The following ICE1 variants were observed in gnomAD, a reference collection of about 807,000 sequenced individuals.
ICE1 encodes the protein little elongation complex subunit 1.
ICE1 carries 64 observed loss-of-function variants against 192.7 expected under a neutral mutation model. The observed-to-expected ratio is 0.33, with a 90% CI of 0.27 to 0.41. The LOEUF (loss-of-function observed/expected upper bound fraction) is 0.41. ICE1 is among the 10% of genes least tolerant of loss of function. The probability of loss-of-function intolerance (pLI) is 1.00; values close to 1 mark genes in which losing one functional copy is unlikely to be tolerated. For missense variants in ICE1, 2,708 were observed against 2,696.0 expected (o/e 1.00, Z -0.10); for synonymous variants, 1,010 against 984.5 (o/e 1.03, Z -0.49).
At chr5:5,426,271 C>A (rs1737514472) in intron 1 of ICE1, among the ~76,000 whole-genome samples, 1 of 152,054 alleles carries the variant, frequency 6.6e-6, no homozygotes, top group Admixed American at 6.6e-5. Context: ...ATGGTGAAAC[C>A]CCGTCTCTAC....
At chr5:5,428,025 A>G (rs973062168) in intron 1 of ICE1, among the ~76,000 whole-genome samples, 2 of 152,112 alleles carry the variant, frequency 1.3e-5, no homozygotes, top group African/African-American at 4.8e-5. Context: ...CTAAGAGGGA[A>G]AAGATGGAGG....
At chr5:5,459,517 G>C (rs902310878) in intron 12 of ICE1, among the ~76,000 whole-genome samples, 1 of 152,072 alleles carries the variant, frequency 6.6e-6, no homozygotes, top group African/African-American at 2.4e-5. Flanking sequence ...GAGTATGGAA[G>C]AGGAGAAGAT....
chr5:5,444,315 A>G lies in ICE1; in HGVS notation c.413A>G (p.Lys138Arg), dbSNP rs772241143. ...AAGAAGAAACTAGAAGCTAAGGTGA[A>G]GAAGCTGCAAGGTAAGTGGCACTAT... ...AQKKKLEAKV[K>R]KLQEAAVKQT... Residue 138 changes from lysine to arginine, a missense_variant, in exon 7 of 19, where the codon AAG (lysine) becomes AGG (arginine). By Grantham distance (26) the Lys-to-Arg change is conservative. Around this residue, in one of 2 missense-constraint regions of ICE1, gnomAD observed 2,366 missense variants for 2,276.6 expected, o/e 1.04. Transcript: ENST00000296564. 1 of 1,567,208 alleles carries G rather than the reference A, an allele frequency of 6.4e-7. No individual in the cohort carries two copies. The highest frequency in any genetic ancestry group is 8.7e-7 in the Non-Finnish European group (1 of 1,153,930).
chr5:5,486,664 A>C (rs778326478), intron 17 of ICE1, 57 bp from the exon 18 acceptor site: 1 of 1,205,972 alleles, frequency 8.3e-7, no homozygotes, highest in Non-Finnish European at 1.2e-6. Flanking sequence ...TTAAATTCTT[A>C]GGAAAAGTTA....
rs1455429268 is a variant in ICE1, at chr5:5,457,407, C to G, written c.767C>G (p.Pro256Arg). 6.2e-7 allele frequency: 1 copy of G among 1,613,630 alleles called. No individual in the cohort carries two copies. Among genetic ancestry groups the G allele is most frequent in the African/African-American group, 1.3e-5 (1 of 74,888 alleles). Residue 256 changes from proline to arginine, a missense_variant, in exon 12 of 19, where the codon CCT becomes CGT. Around this residue, in one of 2 missense-constraint regions of ICE1, gnomAD observed 2,366 missense variants for 2,276.6 expected, o/e 1.04. Coordinates refer to ENST00000296564, the MANE Select transcript of ICE1 (RefSeq NM_015325.3). ...DGTLPPTQGS[P>R]LRTSNVQTCL... ...ACGCTACCTCCAACACAGGGCAGCC[C>G]TCTCAGGACCTCAAATGTGCAGACA... is the stretch of plus-strand genomic sequence containing the variant.
In ICE1 at chr5:5,464,050, G is replaced by A. The variant is rs147523136; in HGVS notation, c.4716G>A (p.Ala1572=). The A allele has an allele frequency of 3.0e-4, 485 of 1,613,618 alleles. 5 individuals carry two copies. The East Asian group carries it at 6.6e-3, about 22-fold the overall frequency. Residue 1572 remains alanine (A), a synonymous_variant, in exon 13 of 19, where the codon GCG becomes GCA. Coordinates refer to ENST00000296564, the MANE Select transcript of ICE1 (RefSeq NM_015325.3). The surrounding 1 kb of genome is among the most constrained non-coding windows in gnomAD (Gnocchi z 4.0). The part of the protein sequence containing the change: ...DQSNKPVKTS[A]SSRVETHQSE... ...CAAACAAACCAGTAAAAACTTCAGC[G>A]TCGAGCAGAGTTGAAACTCATCAGA...
intron 8 of ICE1, 62 bp downstream of exon 8, chr5:5,447,571 C>T (rs1738269011): frequency 2.1e-6 from 3 of 1,409,292 alleles, no homozygotes; most frequent in Non-Finnish European, 2.0e-6. Context: ...TCTGTAGTGT[C>T]TCTGTGTTGT....
chr5:5,477,736 A>G (rs192042283), intron 17 of ICE1, among the ~76,000 whole-genome samples: 1 of 152,356 alleles, frequency 6.6e-6, no homozygotes, highest in East Asian at 1.9e-4. Flanking sequence ...AATCCTCAAT[A>G]AAATACCGGC....
rs555619461 is a variant in ICE1, at chr5:5,423,146, G to C, written c.84+147G>C. ...GTAGCTCTTGCTCGCTCGTCTCTCT[G>C]CTCTCTTTTTCCTACATGAGTTTTG... On this transcript the variant is annotated intron_variant, in intron 1 of 18. Transcript: ENST00000296564. 8 of 432,938 alleles carry C rather than the reference G, an allele frequency of 1.8e-5. No individual in the cohort carries two copies. In the South Asian group the frequency reaches 7.0e-4, roughly 38 times the overall value. 26.8% of individuals were successfully genotyped at this position (432,938 alleles called of 1,614,324 possible).
At position 5,437,131 on chromosome 5, in the gene ICE1, T is replaced by C. The variant is rs1451483852; in HGVS notation, c.178+17T>C. 6.5e-7 allele frequency: 1 copy of C among 1,528,006 alleles called. No individual in the cohort carries two copies. The highest frequency in any genetic ancestry group is 1.2e-5 in the South Asian group (1 of 84,250). 94.7% of individuals were successfully genotyped at this position (1,528,006 alleles called of 1,614,324 possible). A position where few individuals can be genotyped will look rare whatever the true frequency, so the allele number is the denominator to read the frequency against. ...AATGTGATGATATCCTTTTACTGGC[T>C]TTTTCTGTTGAGTTTTGGAACTAAC... On this transcript the variant is annotated intron_variant, in intron 3 of 18. Coordinates refer to ENST00000296564, the MANE Select transcript of ICE1 (RefSeq NM_015325.3).
chr5:5,441,258 C>T lies in ICE1; in HGVS notation c.309+35C>T. 7.5e-6 allele frequency: 10 copies of T among 1,324,566 alleles called. No homozygotes were observed. The Middle Eastern group carries it at 1.3e-3, about 169-fold the overall frequency. The allele number at this position is 1,324,566 out of a possible 1,614,324, so 82.1% of individuals were successfully genotyped here. On this transcript the variant is annotated intron_variant, in intron 5 of 18. Coordinates refer to ENST00000296564, the MANE Select transcript of ICE1 (RefSeq NM_015325.3). ...ATAATTTTCTGTAAAGATTTACGGT[C>T]AATAAATTAGGATGAGCTTATTCGG...
At chr5:5,458,463 C>T (rs1196188879) in intron 12 of ICE1, among the ~76,000 whole-genome samples, 3 of 151,296 alleles carry the variant, frequency 2.0e-5, no homozygotes, top group East Asian at 2.0e-4. Flanking sequence ...GTGGAAAACA[C>T]GCTGCTTGGG....
At chr5:5,447,389 A>G (rs1738262269) in intron 7 of ICE1, 38 bp from the exon 8 acceptor site, 3 of 1,327,740 alleles carry the variant, frequency 2.3e-6, no homozygotes, top group African/African-American at 1.5e-5. Flanking sequence ...AAGTTAGTAA[A>G]TTATTTTTCT....
chr5:5,481,682 C>T (rs1739506682), intron 17 of ICE1, among the ~76,000 whole-genome samples: 1 of 152,204 alleles, frequency 6.6e-6, no homozygotes, highest in South Asian at 2.1e-4. Flanking sequence ...CACGGTCATT[C>T]ACCACATAAC....
At chr5:5,453,347 C>G (rs1054846347) in intron 10 of ICE1, among the ~76,000 whole-genome samples, 2 of 152,174 alleles carry the variant, frequency 1.3e-5, no homozygotes, top group Admixed American at 6.5e-5. Context: ...GCCTTTCACA[C>G]TTACCCGTGA....
In ICE1 at chr5:5,443,190, A is replaced by ATAC; in HGVS notation, c.334_336dup (p.Thr112dup). On this transcript the variant is annotated inframe_insertion, in exon 6 of 19. Transcript: ENST00000296564. ...AAGAGTTCTTTAAAGTTGTATCAGG[A>ATAC]TACTCATCAGGAATATGCTCGTGTA... The ATAC allele has an allele frequency of 6.6e-7, 1 of 1,509,518 alleles. No homozygotes were observed. The highest frequency in any genetic ancestry group is 8.9e-7 in the Non-Finnish European group (1 of 1,124,064). The allele number at this position is 1,509,518 out of a possible 1,614,324, so 93.5% of individuals were successfully genotyped here.
At chr5:5,487,113 G>T (rs1208407757) in intron 18 of ICE1, among the ~76,000 whole-genome samples, 1 of 152,170 alleles carries the variant, frequency 6.6e-6, no homozygotes, top group Non-Finnish European at 1.5e-5. Flanking sequence ...TCTGTACTGT[G>T]TGATCCCTGA....
At chr5:5,480,882 A>G (rs1739484889) in intron 17 of ICE1, among the ~76,000 whole-genome samples, 1 of 152,256 alleles carries the variant, frequency 6.6e-6, no homozygotes, top group Non-Finnish European at 1.5e-5. Context: ...AATTTGGTAG[A>G]GATACATCAG....
chr5:5,473,049 A>G (rs1356307046), intron 15 of ICE1, among the ~76,000 whole-genome samples: 1 of 152,216 alleles, frequency 6.6e-6, no homozygotes, highest in Non-Finnish European at 1.5e-5. Flanking sequence ...AAAGAAGTTC[A>G]AACTACTCTT....
Sources: allele counts gnomAD v4.1 joint callset (sites outside exome capture counted in the v4.1 genomes callset), GRCh38; gene constraint gnomAD v4.1.1; regional missense constraint gnomAD v4.1.1; non-coding constraint Gnocchi (gnomAD v3.1); transcripts MANE v1.5; gene names NCBI Gene and HGNC (gene_info 2026-07-23, HGNC 2026-07-21).